Variants in NCOA1 observed in about 807,000 individuals in gnomAD.
The protein encoded by NCOA1 is Hin-2 protein.
Under a neutral mutation model 150.9 loss-of-function variants are expected in NCOA1, and 35 were observed. The ratio of observed to expected loss-of-function variants is 0.23; its 90% CI spans 0.18 to 0.31. NCOA1 has a LOEUF of 0.31. Ranked by LOEUF, NCOA1 falls within the 10% of genes least tolerant of loss-of-function variation. NCOA1 has a pLI of 1.00. For synonymous variants in NCOA1, 590 were observed against 630.0 expected (o/e 0.94, Z 0.95); for missense variants, 1,491 against 1,749.3 (o/e 0.85, Z 2.63).
intron 1 of NCOA1, among the ~76,000 whole-genome samples, chr2:24,531,165 T>C (rs1664868371): frequency 6.6e-6 from 1 of 152,364 alleles, no homozygotes; most frequent in African/African-American, 2.4e-5. Flanking sequence ...GCAGCCATTA[T>C]GTAAAACAGT....
At chr2:24,630,915 T>C (rs533189049) in intron 3 of NCOA1, among the ~76,000 whole-genome samples, 4 of 152,328 alleles carry the variant, frequency 2.6e-5, no homozygotes, top group Non-Finnish European at 1.5e-5. Context: ...ATCGAATATT[T>C]TACAGCATTT....
chr2:24,504,899 A>G (rs1025179617), intron 1 of NCOA1, among the ~76,000 whole-genome samples: 35 of 152,146 alleles, frequency 2.3e-4, no homozygotes, highest in African/African-American at 8.4e-4. Context: ...TTTCTCTAGT[A>G]TCCTTGGAGG....
chr2:24,578,090 G>A (rs1293135246), intron 2 of NCOA1, among the ~76,000 whole-genome samples: 1 of 151,796 alleles, frequency 6.6e-6, no homozygotes, highest in Non-Finnish European at 1.5e-5. Flanking sequence ...AATTTTTTTG[G>A]ATTTTATTTC....
chr2:24,589,631 GTGT>G (rs1406568700), intron 3 of NCOA1, among the ~76,000 whole-genome samples: 7 of 390 alleles, frequency 0.018, no homozygotes, highest in African/African-American at 0.028. Context: ...GAGGTTGGTG[GTGT>G]GTGTGTGTGT....
rs556786223 is a variant in NCOA1 at position 24,758,491 on chromosome 2, C to G, written c.4065+335C>G. Among the ~76,000 whole-genome samples the G allele has an allele frequency of 2.0e-5, 3 of 151,916 alleles. No homozygotes were observed. The South Asian group carries it at 6.3e-4, about 32-fold the overall frequency. ...GACTGCAAGCACATGTCACCCTGCC[C>G]AGCTAATTTTTTTACTATTTGCAGA... On this transcript the variant is annotated intron_variant, in intron 21 of 22. Coordinates refer to ENST00000348332, the MANE Select transcript of NCOA1 (RefSeq NM_003743.5).
intron 3 of NCOA1, among the ~76,000 whole-genome samples, chr2:24,584,968 G>A (rs879034981): frequency 2.6e-5 from 4 of 152,178 alleles, no homozygotes; most frequent in African/African-American, 9.7e-5. Flanking sequence ...GACTTTTCCT[G>A]TAATGCAGCT....
intron 3 of NCOA1, among the ~76,000 whole-genome samples, chr2:24,595,724 T>C (rs1183389888): frequency 6.6e-6 from 1 of 152,102 alleles, no homozygotes; most frequent in Non-Finnish European, 1.5e-5. Flanking sequence ...CCTAATTGTT[T>C]TTTAGGGCCT....
At position 24,729,766 on chromosome 2, in the gene NCOA1, C is replaced by T; in HGVS notation, c.3152C>T (p.Pro1051Leu). Reference sequence around the variant, plus strand: ...ACTCTAAACAGACCTCCGGCTGCACCTAACCAGCTTCGACTTCAACTACAG... The same window carrying T: ...ACTCTAAACAGACCTCCGGCTGCACTTAACCAGCTTCGACTTCAACTACAG... Reference protein sequence around the residue: ...RQTLNRPPAAPNQLRLQLQQR... With the variant: ...RQTLNRPPAALNQLRLQLQQR... Residue 1051 changes from proline (P) to leucine (L), a missense_variant, in exon 17 of 23, where the codon CCT (proline) becomes CTT (leucine). By Grantham distance (98) the Pro-to-Leu change is moderately conservative. Around this residue, in one of 8 missense-constraint regions of NCOA1, gnomAD observed 485 missense variants for 522.8 expected, o/e 0.93. Coordinates refer to ENST00000348332, the MANE Select transcript of NCOA1 (RefSeq NM_003743.5). 6.2e-7 allele frequency: 1 copy of T among 1,614,176 alleles called. No homozygotes were observed.
At chr2:24,506,677 A>G (rs1663710542) in intron 1 of NCOA1, among the ~76,000 whole-genome samples, 1 of 152,184 alleles carries the variant, frequency 6.6e-6, no homozygotes, top group Non-Finnish European at 1.5e-5. Context: ...AAATATATAT[A>G]GTACCTATAA....
intron 3 of NCOA1, among the ~76,000 whole-genome samples, chr2:24,602,893 G>C (rs1668191632): frequency 6.6e-6 from 1 of 152,132 alleles, no homozygotes; most frequent in Non-Finnish European, 1.5e-5. Context: ...CTGTTCCCCA[G>C]TGTGTGAACA....
chr2:24,739,958 T>C (rs1471248995), intron 18 of NCOA1, among the ~76,000 whole-genome samples: 2 of 152,102 alleles, frequency 1.3e-5, no homozygotes, highest in African/African-American at 4.8e-5. Flanking sequence ...CTTGTATTTA[T>C]TTTTTAAATC....
chr2:24,662,356 A>G (rs746478351), intron 5 of NCOA1, among the ~76,000 whole-genome samples: 28 of 152,342 alleles, frequency 1.8e-4, no homozygotes, highest in Non-Finnish European at 2.6e-4. Context: ...AGCTGTGTTT[A>G]TGCTTGTTGA....
chr2:24,569,112 A>C (rs891084298), intron 2 of NCOA1, among the ~76,000 whole-genome samples: 4 of 150,846 alleles, frequency 2.7e-5, no homozygotes, highest in Non-Finnish European at 5.9e-5. Context: ...GAGAATTGGC[A>C]TTTAGTAATG....
At chr2:24,672,336 G>A (rs895936805) in intron 6 of NCOA1, among the ~76,000 whole-genome samples, 4 of 152,062 alleles carry the variant, frequency 2.6e-5, no homozygotes, top group Admixed American at 6.6e-5. Flanking sequence ...TGTGAATACC[G>A]AATGGTGGCT....
intron 21 of NCOA1, among the ~76,000 whole-genome samples, chr2:24,758,829 C>G (rs6759679): frequency 2.0e-5 from 3 of 148,520 alleles, no homozygotes; most frequent in Non-Finnish European, 3.0e-5. Context: ...AAAAAAAAAA[C>G]AAACAAAAAT....
chr2:24,651,308 G>A (rs1288731296), intron 4 of NCOA1, among the ~76,000 whole-genome samples: 2 of 152,158 alleles, frequency 1.3e-5, no homozygotes, highest in East Asian at 1.9e-4. Context: ...CCTAGGGGTT[G>A]CTCAGTGGAC....
Position 24,720,529 on chromosome 2 carries a change from G to A in NCOA1, c.2600-6060G>A, listed in dbSNP as rs539690340. On this transcript the variant is annotated intron_variant, in intron 14 of 22. Transcript: ENST00000348332. ...TGTTTCACCTCGTGCTAATATGTTC[G>A]CAAAGGCCAAGAGCATAGAGGGGAA... 7.9e-5 allele frequency among the ~76,000 whole-genome samples: 12 copies of A among 152,234 alleles called. No individual in the cohort carries two copies. In the East Asian group the frequency reaches 1.4e-3, roughly 17 times the overall value.
intron 1 of NCOA1, among the ~76,000 whole-genome samples, chr2:24,505,593 G>A (rs916549231): frequency 1.3e-5 from 2 of 152,178 alleles, no homozygotes; most frequent in Non-Finnish European, 2.9e-5. Flanking sequence ...TCTCTGTCTT[G>A]AAGACTTTTT....
rs1264022074 is a variant in NCOA1, at chr2:24,758,642, T to G, written c.4065+486T>G. Among the ~76,000 whole-genome samples the G allele has an allele frequency of 2.0e-5, 3 of 152,124 alleles. No individual in the cohort carries two copies. The East Asian group carries it at 5.8e-4, about 29-fold the overall frequency. ...CACTACTCCTGGCCTTGACAGACTTTATAAATAAGATTTCAGTTTCATGAG... is the reference window on the plus strand; with the variant it reads ...CACTACTCCTGGCCTTGACAGACTTGATAAATAAGATTTCAGTTTCATGAG... On this transcript the variant is annotated intron_variant, in intron 21 of 22. Coordinates refer to ENST00000348332, the MANE Select transcript of NCOA1 (RefSeq NM_003743.5).
Sources: allele counts gnomAD v4.1 joint callset (sites outside exome capture counted in the v4.1 genomes callset), GRCh38; gene constraint gnomAD v4.1.1; regional missense constraint gnomAD v4.1.1; transcripts MANE v1.5; gene names NCBI Gene and HGNC (gene_info 2026-07-23, HGNC 2026-07-21).